MTBP: variants seen among roughly 807,000 people sequenced by gnomAD.
MTBP encodes MDM2 binding protein.
A neutral mutation model predicts 117.0 loss-of-function variants in MTBP; 101 were observed. That is an observed-to-expected ratio of 0.86 (90% CI 0.73 to 1.02). The LOEUF is 1.02. Ranked by LOEUF, MTBP falls within the 50% of genes least tolerant of loss-of-function variation. The pLI is 0.00. For synonymous variants in MTBP, 350 were observed against 351.5 expected (o/e 1.00, Z 0.05); for missense variants, 970 against 1,030.9 (o/e 0.94, Z 0.81).
intron 10 of MTBP, among the ~76,000 whole-genome samples, chr8:120,465,730 G>A (rs1486139789): frequency 9.4e-5 from 13 of 138,042 alleles, no homozygotes; most frequent in Non-Finnish European, 1.5e-5. Context: ...CGCGATCTCA[G>A]CTCACCGCAA....
intron 16 of MTBP, among the ~76,000 whole-genome samples, chr8:120,507,085 A>G (rs934452203): frequency 6.6e-6 from 1 of 152,022 alleles, no homozygotes; most frequent in Non-Finnish European, 1.5e-5. Flanking sequence ...AGAAAAGCAA[A>G]CTCACCATAT....
At chr8:120,485,916 A>G (rs1206824572) in intron 11 of MTBP, among the ~76,000 whole-genome samples, 2 of 152,118 alleles carry the variant, frequency 1.3e-5, no homozygotes, top group African/African-American at 4.8e-5. Context: ...AGTGGTCTCA[A>G]CCTGACTCAC....
intron 10 of MTBP, among the ~76,000 whole-genome samples, chr8:120,468,614 T>A (rs999659684): frequency 1.3e-5 from 2 of 152,326 alleles, no homozygotes; most frequent in Admixed American, 6.5e-5. Flanking sequence ...ATTCAACTTT[T>A]GAAGCATTCA....
intron 11 of MTBP, among the ~76,000 whole-genome samples, chr8:120,479,572 C>T (rs1367369978): frequency 6.6e-6 from 1 of 152,110 alleles, no homozygotes; most frequent in Admixed American, 6.6e-5. Flanking sequence ...TGCTTCAGGA[C>T]AGACCCGTAT....
At chr8:120,508,698 C>G (rs561528654) in intron 16 of MTBP, among the ~76,000 whole-genome samples, 2 of 152,086 alleles carry the variant, frequency 1.3e-5, no homozygotes, top group South Asian at 4.1e-4. Flanking sequence ...ATTCTTAGTA[C>G]TCTACTATTT....
intron 20 of MTBP, 46 bp from the exon 21 acceptor site, chr8:120,522,608 T>A (rs375295416): frequency 4.1e-5 from 51 of 1,245,256 alleles, no homozygotes; most frequent in Non-Finnish European, 5.5e-5. Flanking sequence ...TTGTTCTTTG[T>A]AATTTAATGT....
chr8:120,457,940 C>T (rs1317315673), intron 7 of MTBP, among the ~76,000 whole-genome samples: 4 of 140,970 alleles, frequency 2.8e-5, no homozygotes, highest in Non-Finnish European at 3.1e-5. Flanking sequence ...AGTGAGACTC[C>T]GTCTCAAGAA....
intron 17 of MTBP, among the ~76,000 whole-genome samples, chr8:120,513,524 T>A (rs1814857175): frequency 6.6e-6 from 1 of 152,008 alleles, no homozygotes. Flanking sequence ...AATCATAGTA[T>A]AATCATTTTA....
In MTBP at chr8:120,475,292, A is replaced by G. The variant is rs924228940; in HGVS notation, c.1165+4355A>G. Among the ~76,000 whole-genome samples, 4 of 151,962 alleles carry G rather than the reference A, an allele frequency of 2.6e-5. 1 individual carries two copies. The highest frequency in any genetic ancestry group is 2.1e-4 in the South Asian group (1 of 4,834). ...TTTTACCTTAGTACTCATGCTGTCT[A>G]TTATACTAAATGTGTGTCTACCTGA... On this transcript the variant is annotated intron_variant, in intron 11 of 21. Coordinates refer to ENST00000305949, the MANE Select transcript of MTBP (RefSeq NM_022045.5).
At chr8:120,459,440 A>T (rs1813540060) in intron 8 of MTBP, 91 bp downstream of exon 8, 2 of 1,304,702 alleles carry the variant, frequency 1.5e-6, no homozygotes, top group Middle Eastern at 2.2e-4. Flanking sequence ...TTACTAATAT[A>T]TGTGCTTAAG....
chr8:120,493,964 A>G (rs1814402021), intron 13 of MTBP, among the ~76,000 whole-genome samples: 1 of 152,184 alleles, frequency 6.6e-6, no homozygotes, highest in African/African-American at 2.4e-5. Context: ...CACTAAGAGG[A>G]TGTAATAGAG....
intron 11 of MTBP, among the ~76,000 whole-genome samples, chr8:120,484,078 G>A (rs1252699894): frequency 6.6e-6 from 1 of 152,124 alleles, no homozygotes; most frequent in Non-Finnish European, 1.5e-5. Flanking sequence ...AAATAAGATT[G>A]TTGTAATTAC....
intron 10 of MTBP, 108 bp downstream of exon 10, chr8:120,463,869 T>C (rs2130534632): frequency 9.3e-7 from 1 of 1,071,956 alleles, no homozygotes; most frequent in Non-Finnish European, 1.3e-6. Context: ...CTTGATGACT[T>C]GGTTTCTTTA....
chr8:120,460,514 T>C (rs777775333), intron 8 of MTBP, among the ~76,000 whole-genome samples: 2 of 152,288 alleles, frequency 1.3e-5, no homozygotes, highest in East Asian at 1.9e-4. Context: ...TTGCCTTTCA[T>C]GTGAAGCACC....
intron 14 of MTBP, among the ~76,000 whole-genome samples, chr8:120,500,957 C>T (rs535757074): frequency 2.0e-5 from 3 of 151,940 alleles, no homozygotes; most frequent in African/African-American, 7.2e-5. Context: ...TTTGGGAGGC[C>T]GAGGTGGGTG....
chr8:120,445,443 C>A lies in MTBP; in HGVS notation c.-28C>A, dbSNP rs1183892041. 2 of 1,595,762 alleles carry A rather than the reference C, an allele frequency of 1.3e-6. No individual in the cohort carries two copies. The highest frequency in any genetic ancestry group is 1.7e-6 in the Non-Finnish European group (2 of 1,165,654). On this transcript the variant is annotated 5_prime_UTR_variant, in exon 1 of 22. Transcript: ENST00000305949. ...TCTGTTTGGATGTGGAAGCCGAGAC[C>A]TAAAGTTGGGGGGTGATCTCTGAGG...
chr8:120,485,224 T>A (rs1011799460), intron 11 of MTBP, among the ~76,000 whole-genome samples: 1 of 152,218 alleles, frequency 6.6e-6, no homozygotes, highest in African/African-American at 2.4e-5. Flanking sequence ...GTTAGCTTAT[T>A]GATTGAGATC....
chr8:120,448,700 A>C (rs1813276694), intron 2 of MTBP, among the ~76,000 whole-genome samples: 1 of 152,220 alleles, frequency 6.6e-6, no homozygotes, highest in African/African-American at 2.4e-5. Context: ...ATAGTTAGTG[A>C]ATATACCATG....
At chr8:120,487,307 G>T (rs1476364870) in intron 11 of MTBP, among the ~76,000 whole-genome samples, 1 of 152,186 alleles carries the variant, frequency 6.6e-6, no homozygotes, top group Non-Finnish European at 1.5e-5. Flanking sequence ...TGTATAAATT[G>T]TGTTGCTTTG....
Sources: allele counts gnomAD v4.1 joint callset (sites outside exome capture counted in the v4.1 genomes callset), GRCh38; gene constraint gnomAD v4.1.1; transcripts MANE v1.5; gene names NCBI Gene and HGNC (gene_info 2026-07-23, HGNC 2026-07-21).